Variants in ABHD3 observed in about 807,000 individuals in gnomAD.
ABHD3 encodes the protein phospholipase ABHD3.
In ABHD3, 46 loss-of-function variants were observed where a neutral mutation model predicts 48.8. That is an observed-to-expected ratio of 0.94 (90% CI 0.74 to 1.20). ABHD3 has a LOEUF of 1.20. Ranked by LOEUF, ABHD3 falls within the 50% of genes most tolerant of loss-of-function variation. The probability of loss-of-function intolerance (pLI) is 0.00; values close to 1 mark genes in which losing one functional copy is unlikely to be tolerated. For missense variants in ABHD3, 490 were observed against 497.8 expected (o/e 0.98, Z 0.15); for synonymous variants, 192 against 183.7 (o/e 1.04, Z -0.36).
intron 3 of ABHD3, among the ~76,000 whole-genome samples, chr18:21,693,247 G>A (rs572076709): frequency 1.3e-5 from 2 of 152,218 alleles, no homozygotes; most frequent in African/African-American, 4.8e-5. Flanking sequence ...CATAGGCCCT[G>A]TACTAGTCAA....
At chr18:21,687,217 AT>A (rs1405951571) in intron 3 of ABHD3, among the ~76,000 whole-genome samples, 1 of 147,408 alleles carries the variant, frequency 6.8e-6, no homozygotes, top group Admixed American at 6.8e-5. Context: ...GCCTGTTTTT[AT>A]TTTTTTTTGA....
At chr18:21,698,335 G>A (rs377579728) in intron 3 of ABHD3, among the ~76,000 whole-genome samples, 252 of 151,370 alleles carry the variant, frequency 1.7e-3, no homozygotes, top group African/African-American at 5.6e-3. Context: ...ACAGGCACCC[G>A]CCACCACGTC....
At chr18:21,667,736 T>C (rs2039667135) in intron 4 of ABHD3, among the ~76,000 whole-genome samples, 1 of 152,136 alleles carries the variant, frequency 6.6e-6, no homozygotes. Flanking sequence ...TCCCAGTGTA[T>C]CTATTTTATA....
At position 21,664,112 on chromosome 18, in the gene ABHD3, C is replaced by G. The variant is rs1162740788; in HGVS notation, c.668+6G>C. ...CAGAGATTATTTTAGAAAGGGAAAA[C>G]CTTACCCTCCCATTGAAACCCCTGC... On this transcript the variant is annotated splice_donor_region_variant and intron_variant, in intron 5 of 8. Transcript: ENST00000289119. 2 of 1,606,314 alleles carry G rather than the reference C, an allele frequency of 1.2e-6. No individual in the cohort carries two copies. The highest frequency in any genetic ancestry group is 2.2e-5 in the East Asian group (1 of 44,842).
intron 4 of ABHD3, among the ~76,000 whole-genome samples, chr18:21,668,803 G>A (rs1313080852): frequency 6.6e-6 from 1 of 152,018 alleles, no homozygotes; most frequent in East Asian, 1.9e-4. Context: ...GAAGGAGTGT[G>A]GATTTCTGGC....
intron 4 of ABHD3, chr18:21,683,487 G>T: frequency 2.0e-6 from 1 of 503,362 alleles, no homozygotes; most frequent in Non-Finnish European, 4.1e-6. Context: ...TTTTGCACTG[G>T]TTAATTTTTA....
chr18:21,655,434 A>C (rs995353368), intron 8 of ABHD3, among the ~76,000 whole-genome samples: 1 of 151,898 alleles, frequency 6.6e-6, no homozygotes, highest in Admixed American at 6.6e-5. Context: ...TTACAGGCAC[A>C]TGCCACCATG....
intron 3 of ABHD3, among the ~76,000 whole-genome samples, chr18:21,687,156 C>T (rs776988242): frequency 6.6e-6 from 1 of 152,010 alleles, no homozygotes; most frequent in African/African-American, 2.4e-5. Context: ...ACAATCCTCT[C>T]GTCTTGGCCT....
intron 4 of ABHD3, among the ~76,000 whole-genome samples, chr18:21,666,287 G>A (rs917244490): frequency 6.6e-6 from 1 of 152,092 alleles, no homozygotes; most frequent in African/African-American, 2.4e-5. Flanking sequence ...TCTGCCTCGC[G>A]GGTTCAAGCG....
intron 1 of ABHD3, 116 bp downstream of exon 1, chr18:21,704,388 A>C (rs2040588587): frequency 3.6e-6 from 4 of 1,099,372 alleles, no homozygotes; most frequent in Non-Finnish European, 4.6e-6. Context: ...GCTCGGGAGC[A>C]GCTCGCCGCC....
In ABHD3 at chr18:21,656,952, AT is replaced by A; in HGVS notation, c.965del (p.Tyr322LeufsTer10). On this transcript the variant is annotated frameshift_variant, in exon 8 of 9. Coordinates refer to ENST00000289119, the MANE Select transcript of ABHD3 (RefSeq NM_138340.5). LOFTEE classifies it high-confidence loss of function. ...MFGYQTIDDY[Y>X]TDASPSPRLK... is the part of the protein sequence containing the mutation. ...GTCTAGGACTCGGACTGGCATCAGT[AT>A]AATAATCATCAATTGTTTGGTATCC... 6.2e-7 allele frequency: 1 copy of A among 1,614,098 alleles called. No individual in the cohort carries two copies. Among genetic ancestry groups the A allele is most frequent in the Non-Finnish European group, 8.5e-7 (1 of 1,179,974 alleles).
intron 4 of ABHD3, among the ~76,000 whole-genome samples, chr18:21,675,257 G>A (rs529219614): frequency 2.1e-5 from 3 of 145,616 alleles, no homozygotes; most frequent in East Asian, 4.1e-4. Context: ...TGTGGAATGA[G>A]GTGGGTTTTT....
chr18:21,670,947 G>A (rs2039743924), intron 4 of ABHD3, among the ~76,000 whole-genome samples: 1 of 152,210 alleles, frequency 6.6e-6, no homozygotes, highest in Non-Finnish European at 1.5e-5. Context: ...TCGGGAAGCA[G>A]AGGTTGCAGT....
intron 3 of ABHD3, among the ~76,000 whole-genome samples, chr18:21,697,989 C>T (rs1284278951): frequency 1.3e-5 from 2 of 152,008 alleles, no homozygotes; most frequent in Non-Finnish European, 2.9e-5. Flanking sequence ...TCTCCCTAAA[C>T]CTTCAACCTT....
At chr18:21,674,956 G>T (rs1273338933) in intron 4 of ABHD3, among the ~76,000 whole-genome samples, 1 of 152,054 alleles carries the variant, frequency 6.6e-6, no homozygotes, top group South Asian at 2.1e-4. Context: ...GGTGGGGGAA[G>T]AACTCTAAGT....
At chr18:21,655,634 G>A (rs1370055708) in intron 8 of ABHD3, among the ~76,000 whole-genome samples, 1 of 152,070 alleles carries the variant, frequency 6.6e-6, no homozygotes, top group Non-Finnish European at 1.5e-5. Context: ...GAGGTCAGGA[G>A]TTCAAGAGCA....
chr18:21,692,520 AT>A lies in ABHD3; in HGVS notation c.510-8556del, dbSNP rs199709917. On this transcript the variant is annotated intron_variant, in intron 3 of 8. Coordinates refer to ENST00000289119, the MANE Select transcript of ABHD3 (RefSeq NM_138340.5). ...TCATAAGTTCTAAGCGGCCCTATGA[AT>A]TTTTTTAAAAAAAGAATAGCAAGTT... Among the ~76,000 whole-genome samples, 112 of 144,804 alleles carry A rather than the reference AT, an allele frequency of 7.7e-4. 1 individual carries two copies. In the East Asian group the frequency reaches 0.022, roughly 28 times the overall value. The allele number at this position is 144,804 out of a possible 152,430, so 95.0% of individuals were successfully genotyped here.
intron 3 of ABHD3, among the ~76,000 whole-genome samples, chr18:21,698,939 CT>C (rs59134939): frequency 3.6e-4 from 53 of 147,528 alleles, no homozygotes; most frequent in Non-Finnish European, 3.8e-4. Context: ...GTACTTTACA[CT>C]TTTTTTTTTT....
At chr18:21,683,387 G>T in intron 4 of ABHD3, 1 of 274,870 alleles carries the variant, frequency 3.6e-6, no homozygotes, top group Admixed American at 4.9e-5. Flanking sequence ...GTAAACTTCA[G>T]CTGGCAAACA....
Sources: allele counts gnomAD v4.1 joint callset (sites outside exome capture counted in the v4.1 genomes callset), GRCh38; gene constraint gnomAD v4.1.1; transcripts MANE v1.5; gene names NCBI Gene and HGNC (gene_info 2026-07-23, HGNC 2026-07-21).